The following ADORA3 variants were observed in gnomAD, a reference collection of about 807,000 sequenced individuals.
ADORA3 encodes adenosine receptor A3.
ADORA3 carries 3 observed loss-of-function variants against 5.7 expected under a neutral mutation model. The observed-to-expected ratio is 0.52, with a 90% confidence interval of 0.24 to 1.35. ADORA3 has a LOEUF of 1.35. Ranked by LOEUF, ADORA3 falls within the 40% of genes most tolerant of loss-of-function variation. The probability of loss-of-function intolerance (pLI) is 0.17; values close to 1 mark genes in which losing one functional copy is unlikely to be tolerated. For synonymous variants in ADORA3, 168 were observed against 152.3 expected (o/e 1.10, Z -0.76); for missense variants, 343 against 389.0 (o/e 0.88, Z 0.99).
rs1035307783 is a variant in ADORA3, at chr1:111,500,457, G to A, written c.450C>T (p.Asn150=). 2.5e-6 allele frequency: 4 copies of A among 1,614,208 alleles called. No individual in the cohort carries two copies. Among genetic ancestry groups the A allele is most frequent in the East Asian group, 2.2e-5 (1 of 44,882 alleles). The change falls in exon 2 of 2, where the codon AAC becomes AAT. Residue 150 remains asparagine (N), a synonymous_variant. Transcript: ENST00000241356. Reference sequence around the variant, plus strand: ...TGTGGTACTCTGAGGTCAGTTTCATGTTCCAGCCAAACATGGGGGTCAATC... The same window carrying A: ...TGTGGTACTCTGAGGTCAGTTTCATATTCCAGCCAAACATGGGGGTCAATC... ...LVGLTPMFGW[N]MKLTSEYHRN...
chr1:111,500,438 ACT>A lies in ADORA3; in HGVS notation c.467_468del (p.Glu156ValfsTer43). ...GAAAGGAAGGTGACATTTCTGTGGT[ACT>A]CTGAGGTCAGTTTCATGTTCCAGCC... ...MFGWNMKLTS[E>X]YHRNVTFLSC... On this transcript the variant is annotated frameshift_variant, in exon 2 of 2. Transcript: ENST00000241356. LOFTEE classifies it low-confidence loss of function (END_TRUNC). 1 of 1,614,148 alleles carries A rather than the reference ACT, an allele frequency of 6.2e-7. No individual in the cohort carries two copies. The highest frequency in any genetic ancestry group is 1.1e-5 in the South Asian group (1 of 91,080).
intron 1 of ADORA3, among the ~76,000 whole-genome samples, 167 bp downstream of exon 1, chr1:111,502,838 T>C (rs1473644661): frequency 6.6e-6 from 1 of 151,996 alleles, no homozygotes; most frequent in Non-Finnish European, 1.5e-5. Flanking sequence ...TCCCAGCCCA[T>C]TGTTGCTAAC....
At chr1:111,500,872 G>C in intron 1 of ADORA3, 1 of 458,456 alleles carries the variant, frequency 2.2e-6, no homozygotes, top group Non-Finnish European at 3.8e-6. Flanking sequence ...GCTCCACTCA[G>C]GGCTCCACTT....
chr1:111,502,863 T>C (rs1358933150), intron 1 of ADORA3, 142 bp downstream of exon 1: 2 of 1,044,716 alleles, frequency 1.9e-6, no homozygotes, highest in Admixed American at 2.7e-5. Flanking sequence ...TCACAGACCA[T>C]ATCACAAAAA....
chr1:111,502,049 A>ATATAATAAATATATAGGATATATGTAT (rs1557823824), intron 1 of ADORA3, among the ~76,000 whole-genome samples: 4 of 92,122 alleles, frequency 4.3e-5, no homozygotes, highest in African/African-American at 1.4e-4. Flanking sequence ...TATATATTTA[A>ATATAATAAATATATAGGATATATGTAT]TATAATAAAT....
intron 1 of ADORA3, 28 bp from the exon 2 acceptor site, chr1:111,500,584 C>A: frequency 1.2e-6 from 2 of 1,605,062 alleles, no homozygotes; most frequent in Non-Finnish European, 1.7e-6. Context: ...GTCAGTGAGT[C>A]CACAGCAGTA....
At position 111,503,327 on chromosome 1, in the gene ADORA3, A is replaced by T. The variant is rs143720296; in HGVS notation, c.28T>A (p.Leu10Met). ...ATGGTGATGTAGGTAACATTGGCCAATGACAGAGCAGTGCTGTTGTTGGGC... is the reference window on the plus strand; with the variant it reads ...ATGGTGATGTAGGTAACATTGGCCATTGACAGAGCAGTGCTGTTGTTGGGC... MPNNSTALS[L>M]ANVTYITMEI... The change falls in exon 1 of 2, where the codon TTG (leucine) becomes ATG (methionine). Residue 10 changes from leucine (L) to methionine (M), a missense_variant. By Grantham distance (15) the Leu-to-Met change is conservative. Transcript: ENST00000241356. 6.2e-7 allele frequency: 1 copy of T among 1,613,688 alleles called. No homozygotes were observed. The highest frequency in any genetic ancestry group is 8.5e-7 in the Non-Finnish European group (1 of 1,179,780).
rs376016962 is a variant in ADORA3 at position 111,502,191 on chromosome 1, A to ATT, written c.350+813_350+814insAA. Among the ~76,000 whole-genome samples, 209 of 68,412 alleles carry ATT rather than the reference A, an allele frequency of 3.1e-3. 3 individuals are homozygous for ATT. The highest frequency in any genetic ancestry group is 8.9e-3 in the East Asian group (17 of 1,920). The allele number at this position is 68,412 out of a possible 152,430, so 44.9% of individuals were successfully genotyped here. A position where few individuals can be genotyped will look rare whatever the true frequency, so the allele number is the denominator to read the frequency against. ...ATTATAATAAATATATAGGATATAT[A>ATT]TATTATAATAAATATATAGGATATA... On this transcript the variant is annotated intron_variant, in intron 1 of 1. Coordinates refer to ENST00000241356, the MANE Select transcript of ADORA3 (RefSeq NM_000677.4).
In ADORA3 at chr1:111,503,368, G is replaced by A. The variant is rs1334527639; in HGVS notation, c.-14C>T. The A allele has an allele frequency of 1.3e-6, 2 of 1,599,374 alleles. No homozygotes were observed. The highest frequency in any genetic ancestry group is 2.2e-5 in the East Asian group (1 of 44,598). On this transcript the variant is annotated 5_prime_UTR_variant, in exon 1 of 2. Transcript: ENST00000241356. ...GTTGTTGGGCATCTTGCCTTCCCAGGGGAACCTCCACAGGGACAGGTGAGC... is the reference window on the plus strand; with the variant it reads ...GTTGTTGGGCATCTTGCCTTCCCAGAGGAACCTCCACAGGGACAGGTGAGC...
rs141827119 is a variant in ADORA3 at position 111,500,340 on chromosome 1, G to A, written c.567C>T (p.Pro189=). Residue 189 remains proline, a synonymous_variant, in exon 2 of 2, where the codon CCC becomes CCT. Coordinates refer to ENST00000241356, the MANE Select transcript of ADORA3 (RefSeq NM_000677.4). ...YFSFLTWIFI[P]LVVMCAIYLD... ...GATAGATGGCGCACATGACAACCAG[G>A]GGGATGAAAATCCAGGTGAGGAAGC... The A allele has an allele frequency of 6.2e-7, 1 of 1,614,214 alleles. No individual in the cohort carries two copies. Among genetic ancestry groups the A allele is most frequent in the Non-Finnish European group, 8.5e-7 (1 of 1,180,042 alleles).
chr1:111,500,812 A>C, intron 1 of ADORA3: 1 of 547,516 alleles, frequency 1.8e-6, no homozygotes. Context: ...CTAAAGAAGA[A>C]AACTCTTGAA....
At position 111,503,604 on chromosome 1, in the gene ADORA3, A is replaced by G. The variant is rs1411926364; in HGVS notation, c.-250T>C. The G allele has an allele frequency of 7.5e-7, 1 of 1,325,876 alleles. No homozygotes were observed. Among genetic ancestry groups the G allele is most frequent in the African/African-American group, 1.5e-5 (1 of 67,516 alleles). 82.1% of individuals were successfully genotyped at this position (1,325,876 alleles called of 1,614,324 possible). ...ATGCACCGCACATCCTCAAGTTTCCAGAATGCTGTAGGACAGCTCTATATG... is the reference window on the plus strand; with the variant it reads ...ATGCACCGCACATCCTCAAGTTTCCGGAATGCTGTAGGACAGCTCTATATG... On this transcript the variant is annotated 5_prime_UTR_variant, in exon 1 of 2. Coordinates refer to ENST00000241356, the MANE Select transcript of ADORA3 (RefSeq NM_000677.4).
chr1:111,500,707 C>A, intron 1 of ADORA3, 151 bp from the exon 2 acceptor site: 2 of 713,124 alleles, frequency 2.8e-6, no homozygotes, highest in South Asian at 1.9e-5. Context: ...GCATTGATAT[C>A]CTATGGTGAT....
chr1:111,501,495 T>C (rs184005829), intron 1 of ADORA3: 1 of 152,228 alleles, frequency 6.6e-6, no homozygotes, highest in East Asian at 1.9e-4. Flanking sequence ...ATAATAGTAA[T>C]GATAGCCACC....
At chr1:111,501,877 G>A (rs978878649) in intron 1 of ADORA3, among the ~76,000 whole-genome samples, 12 of 151,452 alleles carry the variant, frequency 7.9e-5, no homozygotes, top group Non-Finnish European at 1.3e-4. Flanking sequence ...ATGCAATTTA[G>A]GTCACCCGGG....
In ADORA3 at chr1:111,500,010, A is replaced by G. The variant is rs2229155; in HGVS notation, c.897T>C (p.Ala299=). 0.81 allele frequency: 1,310,039 copies of G among 1,613,974 alleles called. 532,628 individuals are homozygous for G. Among genetic ancestry groups the G allele is most frequent in the Middle Eastern group, 0.89 (5,415 of 6,062 alleles). ...AATCAGAGGGATGGCAGACCACACA[A>G]GCTTTGAGGATCAAAAGGTAGGTTT... ...FKETYLLILK[A]CVVCHPSDSL... The change falls in exon 2 of 2, where the codon GCT becomes GCC. Residue 299 remains alanine (A), a synonymous_variant. Coordinates refer to ENST00000241356, the MANE Select transcript of ADORA3 (RefSeq NM_000677.4).
In ADORA3 at chr1:111,500,092, TG is replaced by T. The variant is rs1655086305; in HGVS notation, c.814del (p.His272MetfsTer5). 1.2e-6 allele frequency: 2 copies of T among 1,614,120 alleles called. No individual in the cohort carries two copies. The highest frequency in any genetic ancestry group is 1.1e-5 in the South Asian group (1 of 91,086). ...LVLYMGILLS[H>X]ANSMMNPIVY... ...GATAGGGTTCATCATGGAGTTGGCA[TG>T]GGACAGCAGGATGCCCATGTACAGC... On this transcript the variant is annotated frameshift_variant, in exon 2 of 2. Transcript: ENST00000241356. LOFTEE classifies it low-confidence loss of function (END_TRUNC).
In ADORA3 at chr1:111,499,978, TC is replaced by T; in HGVS notation, c.928del (p.Asp310ThrfsTer20). ...CTCAGAATTCTTCTCAATGCTTGTG[TC>T]CAAAGAATCAGAGGGATGGCAGACC... Reference protein sequence around the residue: ...CVVCHPSDSLDTSIEKNSE With the variant: ...CVVCHPSDSLXTSIEKNSE On this transcript the variant is annotated frameshift_variant, in exon 2 of 2. Coordinates refer to ENST00000241356, the MANE Select transcript of ADORA3 (RefSeq NM_000677.4). LOFTEE classifies it high-confidence loss of function. 6.2e-7 allele frequency: 1 copy of T among 1,614,130 alleles called. No individual in the cohort carries two copies. Among genetic ancestry groups the T allele is most frequent in the Middle Eastern group, 1.6e-4 (1 of 6,062 alleles).
Position 111,499,774 on chromosome 1 carries a change from T to C in ADORA3, c.*176A>G, listed in dbSNP as rs1655065906. 1.4e-6 allele frequency: 2 copies of C among 1,432,210 alleles called. No homozygotes were observed. The highest frequency in any genetic ancestry group is 1.5e-5 in the South Asian group (1 of 65,538). The allele number at this position is 1,432,210 out of a possible 1,614,324, so 88.7% of individuals were successfully genotyped here. A position where few individuals can be genotyped will look rare whatever the true frequency, so the allele number is the denominator to read the frequency against. Reference sequence around the variant, plus strand: ...GAGAAAGGACAAGGGAAAAATGAAGTGGAGGAAGAGAGTAGTGGAGTGGGG... The same window carrying C: ...GAGAAAGGACAAGGGAAAAATGAAGCGGAGGAAGAGAGTAGTGGAGTGGGG... On this transcript the variant is annotated 3_prime_UTR_variant, in exon 2 of 2. Coordinates refer to ENST00000241356, the MANE Select transcript of ADORA3 (RefSeq NM_000677.4).
Sources: gnomAD v4.1 joint callset for allele counts (sites outside exome capture counted in the v4.1 genomes callset) on GRCh38, gnomAD v4.1.1 for gene constraint, MANE v1.5 for transcripts, NCBI Gene and HGNC (gene_info 2026-07-23, HGNC 2026-07-21) for gene names.